The following TBC1D2 variants were observed in gnomAD, a reference collection of about 807,000 sequenced individuals.
The protein encoded by TBC1D2 is TBC1 domain family member 2, also known as TBC1 domain family member 2A.
Under a neutral mutation model 91.1 loss-of-function variants are expected in TBC1D2, and 58 were observed. That is an observed-to-expected ratio of 0.64 (90% CI 0.52 to 0.79). TBC1D2 has a LOEUF of 0.79. Ranked by LOEUF, TBC1D2 falls within the 30% of genes least tolerant of loss-of-function variation. The probability of loss-of-function intolerance (pLI) is 0.00; values close to 1 mark genes in which losing one functional copy is unlikely to be tolerated. For synonymous variants in TBC1D2, 482 were observed against 511.5 expected (o/e 0.94, Z 0.78); for missense variants, 1,080 against 1,208.3 (o/e 0.89, Z 1.57).
intron 2 of TBC1D2, 75 bp downstream of exon 2, chr9:98,251,710 C>T: frequency 6.8e-7 from 1 of 1,469,554 alleles, no homozygotes; most frequent in Non-Finnish European, 9.0e-7. Flanking sequence ...TCCTCCCGCT[C>T]ATTCCCAGCA....
chr9:98,219,491 G>C (rs1047636896), intron 6 of TBC1D2, among the ~76,000 whole-genome samples: 2 of 152,300 alleles, frequency 1.3e-5, no homozygotes, highest in South Asian at 2.1e-4. Context: ...GATACACTCT[G>C]AGAAATGCGT....
chr9:98,206,143 A>G (rs1828647679), intron 9 of TBC1D2, among the ~76,000 whole-genome samples: 1 of 151,534 alleles, frequency 6.6e-6, no homozygotes, highest in South Asian at 2.1e-4. Flanking sequence ...TTTTTAGTAG[A>G]GACAAGGTTT....
At chr9:98,226,936 T>C (rs1003685741) in intron 5 of TBC1D2, among the ~76,000 whole-genome samples, 2 of 152,264 alleles carry the variant, frequency 1.3e-5, no homozygotes, top group African/African-American at 2.4e-5. Flanking sequence ...CAAACTTTCA[T>C]GAAATCTAGG....
chr9:98,217,229 AG>A (rs1357051788), intron 6 of TBC1D2, among the ~76,000 whole-genome samples: 1 of 152,212 alleles, frequency 6.6e-6, no homozygotes, highest in Non-Finnish European at 1.5e-5. Flanking sequence ...ACCTCAGAAA[AG>A]AGAAAAGCCA....
intron 4 of TBC1D2, among the ~76,000 whole-genome samples, chr9:98,231,829 A>C (rs971361650): frequency 6.6e-6 from 1 of 152,178 alleles, no homozygotes; most frequent in Non-Finnish European, 1.5e-5. Context: ...AGGTAGGTAA[A>C]GTGCTTGGTA....
At chr9:98,249,112 C>T (rs1048087245) in intron 2 of TBC1D2, among the ~76,000 whole-genome samples, 1 of 152,184 alleles carries the variant, frequency 6.6e-6, no homozygotes, top group Non-Finnish European at 1.5e-5. Flanking sequence ...GCCTTGCTGA[C>T]TTGCCCAAGA....
At chr9:98,224,737 T>A (rs1829189386) in intron 5 of TBC1D2, among the ~76,000 whole-genome samples, 1 of 152,206 alleles carries the variant, frequency 6.6e-6, no homozygotes, top group Non-Finnish European at 1.5e-5. Flanking sequence ...GCTACTTTCA[T>A]CAGTGGTGGG....
chr9:98,222,367 T>C (rs1829120608), intron 5 of TBC1D2, among the ~76,000 whole-genome samples: 1 of 152,172 alleles, frequency 6.6e-6, no homozygotes, highest in Non-Finnish European at 1.5e-5. Context: ...GCAATCCCCA[T>C]GTAAAGCCAC....
chr9:98,252,789 C>T (rs144230178), intron 1 of TBC1D2, among the ~76,000 whole-genome samples: 28 of 152,258 alleles, frequency 1.8e-4, no homozygotes, highest in Admixed American at 3.3e-4. Flanking sequence ...AACAGCTCAC[C>T]GGGCGTGGAT....
Position 98,210,692 on chromosome 9 carries a change from T to C in TBC1D2, c.1637A>G (p.Glu546Gly). ...CAGCTCGATGCTGTCAGATGAGGCCTCCCCAGCTTCCCACTGCAGTGCCTC... is the reference window on the plus strand; with the variant it reads ...CAGCTCGATGCTGTCAGATGAGGCCCCCCCAGCTTCCCACTGCAGTGCCTC... ...VQEALQWEAG[E>G]ASSDSIELSP... Residue 546 changes from glutamate to glycine, a missense_variant, in exon 8 of 13, where the codon GAG becomes GGG. By Grantham distance (98) the Glu-to-Gly change is moderately conservative. Transcript: ENST00000465784. 1 of 1,603,530 alleles carries C rather than the reference T, an allele frequency of 6.2e-7. No individual in the cohort carries two copies.
At chr9:98,246,820 T>C (rs1588065747) in intron 2 of TBC1D2, among the ~76,000 whole-genome samples, 1 of 151,260 alleles carries the variant, frequency 6.6e-6, no homozygotes, top group Non-Finnish European at 1.5e-5. Context: ...CAGAGCTGAG[T>C]TTGCGGGGAG....
At chr9:98,213,339 C>A in intron 6 of TBC1D2, 121 bp from the exon 7 acceptor site, 2 of 1,510,178 alleles carry the variant, frequency 1.3e-6, no homozygotes, top group Non-Finnish European at 1.8e-6. Flanking sequence ...ATAATGGCAA[C>A]AGAAGAGGAA....
chr9:98,235,724 T>C (rs895818518), intron 3 of TBC1D2, among the ~76,000 whole-genome samples: 1 of 151,888 alleles, frequency 6.6e-6, no homozygotes, highest in African/African-American at 2.4e-5. Flanking sequence ...TGTGTATCCC[T>C]AATCCTTCAT....
intron 1 of TBC1D2, among the ~76,000 whole-genome samples, 158 bp from the exon 2 acceptor site, chr9:98,252,084 A>G (rs1240773817): frequency 6.6e-6 from 1 of 152,062 alleles, no homozygotes; most frequent in Non-Finnish European, 1.5e-5. Context: ...GCCACAGAAG[A>G]TCATCAGGCT....
chr9:98,203,176 G>A lies in TBC1D2; in HGVS notation c.2271+112C>T, dbSNP rs1828554011. 9 of 1,508,446 alleles carry A rather than the reference G, an allele frequency of 6.0e-6. No homozygotes were observed. The Admixed American group carries it at 1.8e-4, about 29-fold the overall frequency. The allele number at this position is 1,508,446 out of a possible 1,614,324, so 93.4% of individuals were successfully genotyped here. On this transcript the variant is annotated intron_variant, in intron 10 of 12. Coordinates refer to ENST00000465784, the MANE Select transcript of TBC1D2 (RefSeq NM_001267571.2). ...CAAATGCACTCCCACAGTGCAGAGG[G>A]AGAAATGGAAGCCCGAGAGATTCCC...
chr9:98,221,398 T>C (rs962506686), intron 5 of TBC1D2, among the ~76,000 whole-genome samples, 170 bp from the exon 6 acceptor site: 3 of 152,240 alleles, frequency 2.0e-5, no homozygotes, highest in South Asian at 4.1e-4. Flanking sequence ...AAGTGACTGT[T>C]AGCTGGGCAC....
chr9:98,247,972 C>A (rs1293861010), intron 2 of TBC1D2, among the ~76,000 whole-genome samples: 1 of 151,986 alleles, frequency 6.6e-6, no homozygotes, highest in Non-Finnish European at 1.5e-5. Context: ...GTAAGTGCCA[C>A]CTGTGGGCCT....
At chr9:98,231,126 C>T (rs1051493933) in intron 4 of TBC1D2, among the ~76,000 whole-genome samples, 1 of 151,946 alleles carries the variant, frequency 6.6e-6, no homozygotes, top group East Asian at 1.9e-4. Context: ...CTCACAGTGC[C>T]CAGTTTATAA....
At chr9:98,200,162 A>G (rs770820886) in intron 12 of TBC1D2, 91 bp downstream of exon 12, 15 of 1,549,156 alleles carry the variant, frequency 9.7e-6, no homozygotes, top group East Asian at 4.6e-5. Context: ...TCACTTACCA[A>G]TCTCTACTTG....
Sources: gnomAD v4.1 joint callset for allele counts (sites outside exome capture counted in the v4.1 genomes callset) on GRCh38, gnomAD v4.1.1 for gene constraint, MANE v1.5 for transcripts, NCBI Gene and HGNC (gene_info 2026-07-23, HGNC 2026-07-21) for gene names.